Variants in EPB41L2 observed in about 807,000 individuals in gnomAD.
The protein encoded by EPB41L2 is band 4.1-like protein 2.
In EPB41L2, 43 loss-of-function variants were observed where a neutral mutation model predicts 113.0. That is an observed-to-expected ratio of 0.38 (90% CI 0.30 to 0.49). The LOEUF is 0.49. Among genes scored for constraint, EPB41L2 ranks in the 20% least tolerant of loss-of-function variants. EPB41L2 has a pLI of 0.95. For synonymous variants in EPB41L2, 442 were observed against 436.7 expected, an observed-to-expected ratio of 1.01 and a Z score of -0.15; for missense variants, 1,147 against 1,223.4, an observed-to-expected ratio of 0.94 and a Z score of 0.93.
At chr6:131,047,989 A>T (rs372374996) in intron 1 of EPB41L2, among the ~76,000 whole-genome samples, 15 of 152,088 alleles carry the variant, frequency 9.9e-5, no homozygotes, top group African/African-American at 3.6e-4. Context: ...AAATACAAAA[A>T]TAAGCCAGGC....
At chr6:130,985,402 A>G (rs1780309691) in intron 1 of EPB41L2, among the ~76,000 whole-genome samples, 1 of 152,082 alleles carries the variant, frequency 6.6e-6, no homozygotes, top group Non-Finnish European at 1.5e-5. Context: ...TCACTCTTCA[A>G]CTGTCAGTGC....
intron 4 of EPB41L2, among the ~76,000 whole-genome samples, chr6:130,919,326 C>T (rs975565097): frequency 5.9e-5 from 9 of 152,070 alleles, no homozygotes; most frequent in African/African-American, 1.4e-4. Context: ...AACAAATGTA[C>T]CTTTATCTTA....
At chr6:130,908,688 A>C in intron 5 of EPB41L2, 133 bp downstream of exon 5, 1 of 595,272 alleles carries the variant, frequency 1.7e-6, no homozygotes, top group Non-Finnish European at 2.8e-6. Flanking sequence ...TTCCACAAAA[A>C]TATTATTAGT....
chr6:130,885,152 T>C lies in EPB41L2; in HGVS notation c.1777A>G (p.Arg593Gly), dbSNP rs200447334. 604 of 1,614,186 alleles carry C rather than the reference T, an allele frequency of 3.7e-4. 2 individuals carry two copies. Among genetic ancestry groups the C allele is most frequent in the Non-Finnish European group, 4.8e-4 (562 of 1,180,018 alleles). Residue 593 changes from arginine to glycine, a missense_variant, in exon 12 of 20, where the codon AGG (arginine) becomes GGG (glycine). Arg to Gly is a moderately radical substitution (Grantham distance 125). Transcript: ENST00000337057. Reference protein sequence around the residue: ...SIAVVQDGDGRREVRSPTKAP... With the variant: ...SIAVVQDGDGGREVRSPTKAP... ...TTAGTTGGGCTTCTCACTTCCCTCC[T>C]GCCGTCCCCATCTTGTACCACGGCA...
At chr6:130,964,772 C>T (rs1242238463) in intron 1 of EPB41L2, among the ~76,000 whole-genome samples, 3 of 152,092 alleles carry the variant, frequency 2.0e-5, no homozygotes, top group Non-Finnish European at 4.4e-5. Flanking sequence ...GCAACTCGAA[C>T]CTTCTCAACT....
At chr6:130,986,897 T>C (rs1004648062) in intron 1 of EPB41L2, among the ~76,000 whole-genome samples, 1 of 152,230 alleles carries the variant, frequency 6.6e-6, no homozygotes, top group African/African-American at 2.4e-5. Flanking sequence ...ACTCCAGCTG[T>C]CACACCCCAG....
At chr6:130,856,053 G>T (rs1780122676) in intron 19 of EPB41L2, among the ~76,000 whole-genome samples, 1 of 152,154 alleles carries the variant, frequency 6.6e-6, no homozygotes, top group South Asian at 2.1e-4. Context: ...ATGGGGGAAA[G>T]AAGGGCTCTT....
rs562432304 is a variant in EPB41L2 at position 131,043,368 on chromosome 6, CTT to C, written c.-15+19785_-15+19786del. 1.7e-3 allele frequency among the ~76,000 whole-genome samples: 265 copies of C among 152,106 alleles called. 1 individual carries two copies. Among genetic ancestry groups the C allele is most frequent in the Non-Finnish European group, 2.6e-3 (178 of 67,990 alleles). On this transcript the variant is annotated intron_variant, in intron 1 of 19. Transcript: ENST00000337057. ...CTTACATTTAGTATTTAGGTATACT[CTT>C]TGAGTGGTTTTAAGAAATAACAAAA...
At chr6:130,953,978 C>T (rs940814933) in intron 3 of EPB41L2, among the ~76,000 whole-genome samples, 13 of 57,880 alleles carry the variant, frequency 2.2e-4, no homozygotes, top group Non-Finnish European at 3.6e-4. Flanking sequence ...TTTGTTACAA[C>T]AGCAAAAACT....
At chr6:130,865,835 C>G (rs1194710070) in intron 16 of EPB41L2, 5 of 542,256 alleles carry the variant, frequency 9.2e-6, no homozygotes, top group Non-Finnish European at 1.3e-5. Context: ...GAAGCAAACT[C>G]AACTGTGTGA....
At chr6:130,918,977 T>C (rs933084131) in intron 4 of EPB41L2, among the ~76,000 whole-genome samples, 1 of 152,200 alleles carries the variant, frequency 6.6e-6, no homozygotes, top group Non-Finnish European at 1.5e-5. Context: ...TTGTTTTGCC[T>C]AGATGTCTTG....
At chr6:130,857,359 T>C (rs1481556457) in intron 19 of EPB41L2, among the ~76,000 whole-genome samples, 10 of 152,164 alleles carry the variant, frequency 6.6e-5, no homozygotes, top group Non-Finnish European at 1.5e-4. Flanking sequence ...ACAAAAGTGT[T>C]TAAATTTTCT....
intron 19 of EPB41L2, among the ~76,000 whole-genome samples, chr6:130,847,415 T>C (rs866323715): frequency 2.0e-5 from 3 of 152,208 alleles, no homozygotes; most frequent in South Asian, 2.1e-4. Context: ...ACAACTATAA[T>C]AGTCCCTTGA....
At chr6:130,985,044 G>A (rs763154903) in intron 1 of EPB41L2, among the ~76,000 whole-genome samples, 2 of 152,150 alleles carry the variant, frequency 1.3e-5, no homozygotes, top group Non-Finnish European at 2.9e-5. Context: ...CAAATGCCTA[G>A]ACAGATCCCC....
chr6:130,975,829 TC>T (rs1176277214), intron 1 of EPB41L2, among the ~76,000 whole-genome samples: 1 of 151,856 alleles, frequency 6.6e-6, no homozygotes, highest in Admixed American at 6.6e-5. Context: ...TTCAAGACCA[TC>T]CTGGCCAACA....
At chr6:131,055,188 C>G (rs948410675) in intron 1 of EPB41L2, among the ~76,000 whole-genome samples, 1 of 152,000 alleles carries the variant, frequency 6.6e-6, no homozygotes, top group Admixed American at 6.5e-5. Context: ...TTTCATAATC[C>G]CTGCAGTACT....
chr6:130,974,717 C>CTTTTTTTTTTTTTTTTTTTTTTTTTTT (rs71030723), intron 1 of EPB41L2, among the ~76,000 whole-genome samples: 1 of 64,642 alleles, frequency 1.5e-5, no homozygotes, highest in Non-Finnish European at 2.7e-5. Flanking sequence ...CTTTTCTTTT[C>CTTTTTTTTTTTTTTTTTTTTTTTTTTT]TTTTTTTTTT....
intron 7 of EPB41L2, among the ~76,000 whole-genome samples, chr6:130,900,370 C>T (rs1325108328): frequency 6.6e-6 from 1 of 151,976 alleles, no homozygotes; most frequent in African/African-American, 2.4e-5. Context: ...TTGTAGCTAG[C>T]GTTATAAAAA....
chr6:130,858,107 C>T (rs1336033886), intron 19 of EPB41L2, 24 bp downstream of exon 19: 1 of 1,574,348 alleles, frequency 6.4e-7, no homozygotes, highest in Non-Finnish European at 8.7e-7. Flanking sequence ...CTAGAAAGGC[C>T]ACAGACAATG....
Sources: gnomAD v4.1 joint callset for allele counts (sites outside exome capture counted in the v4.1 genomes callset) on GRCh38, gnomAD v4.1.1 for gene constraint, MANE v1.5 for transcripts, NCBI Gene and HGNC (gene_info 2026-07-23, HGNC 2026-07-21) for gene names.